Variants in TECRL observed in about 807,000 individuals in gnomAD.
The protein encoded by TECRL is trans-2,3-enoyl-CoA reductase-like.
A neutral mutation model predicts 52.8 loss-of-function variants in TECRL; 63 were observed. That is an observed-to-expected ratio of 1.19 (90% CI 0.97 to 1.47). The LOEUF is 1.47. TECRL is among the 40% of genes most tolerant of loss of function. The probability of loss-of-function intolerance (pLI) is 0.00; values close to 1 mark genes in which losing one functional copy is unlikely to be tolerated. For missense variants in TECRL, 482 were observed against 429.6 expected (o/e 1.12, Z -1.08); for synonymous variants, 164 against 141.9 (o/e 1.16, Z -1.10).
In TECRL at chr4:64,373,086, T is replaced by G. The variant is rs187873999; in HGVS notation, c.286+2086A>C. On this transcript the variant is annotated intron_variant, in intron 2 of 11. Transcript: ENST00000381210. ...AAATTGGCAAATACATTCTTTTAAA[T>G]ACTTTATATAATGTAATGCAGCAAA... Among the ~76,000 whole-genome samples, 489 of 151,862 alleles carry G rather than the reference T, an allele frequency of 3.2e-3. 1 individual carries two copies. Among genetic ancestry groups the G allele is most frequent in the African/African-American group, 0.011 (457 of 41,556 alleles).
chr4:64,373,614 A>G (rs1722133336), intron 2 of TECRL, among the ~76,000 whole-genome samples: 1 of 151,672 alleles, frequency 6.6e-6, no homozygotes, highest in South Asian at 2.1e-4. Flanking sequence ...CATAAACTCG[A>G]CTTTGATTCA....
intron 1 of TECRL, among the ~76,000 whole-genome samples, chr4:64,377,409 T>C (rs1462320294): frequency 6.6e-6 from 1 of 152,062 alleles, no homozygotes; most frequent in Non-Finnish European, 1.5e-5. Flanking sequence ...GATGTCTCAG[T>C]GGCTTCATCA....
At chr4:64,400,010 CA>C (rs988043593) in intron 1 of TECRL, among the ~76,000 whole-genome samples, 2 of 152,104 alleles carry the variant, frequency 1.3e-5, no homozygotes, top group African/African-American at 4.8e-5. Flanking sequence ...ATATATCCAC[CA>C]GCTTATGTTT....
chr4:64,336,721 T>A (rs1007954655), intron 2 of TECRL, among the ~76,000 whole-genome samples: 1 of 152,220 alleles, frequency 6.6e-6, no homozygotes, highest in Non-Finnish European at 1.5e-5. Context: ...TTGTTCTCAC[T>A]GGTTTCAAAG....
intron 3 of TECRL, among the ~76,000 whole-genome samples, chr4:64,326,626 A>C (rs1718284146): frequency 6.6e-6 from 1 of 152,130 alleles, no homozygotes; most frequent in Admixed American, 6.6e-5. Context: ...CATTGAACAA[A>C]GGGAATTTCA....
intron 9 of TECRL, among the ~76,000 whole-genome samples, chr4:64,286,476 C>T (rs1294877143): frequency 6.6e-6 from 1 of 151,754 alleles, no homozygotes; most frequent in East Asian, 1.9e-4. Flanking sequence ...CCCCCCTATA[C>T]TCCACAATGT....
intron 1 of TECRL, among the ~76,000 whole-genome samples, chr4:64,402,578 G>T (rs1724427795): frequency 6.6e-6 from 1 of 152,010 alleles, no homozygotes; most frequent in Admixed American, 6.6e-5. Flanking sequence ...AATACGGAAT[G>T]AATATGAACT....
intron 3 of TECRL, among the ~76,000 whole-genome samples, chr4:64,325,541 A>G (rs1004997475): frequency 7.9e-5 from 12 of 152,166 alleles, no homozygotes; most frequent in Admixed American, 4.6e-4. Context: ...TAGTTTTTTT[A>G]TACTGCTAAA....
At chr4:64,287,870 G>A (rs1204919116) in intron 9 of TECRL, among the ~76,000 whole-genome samples, 1 of 152,184 alleles carries the variant, frequency 6.6e-6, no homozygotes, top group African/African-American at 2.4e-5. Flanking sequence ...CCATGGGCCA[G>A]GCACGGTGGC....
chr4:64,352,173 C>G (rs796451379), intron 2 of TECRL, among the ~76,000 whole-genome samples: 1 of 152,106 alleles, frequency 6.6e-6, no homozygotes, highest in African/African-American at 2.4e-5. Flanking sequence ...CAGTTTATTA[C>G]TTCAAATACC....
chr4:64,347,439 T>C (rs1376932314), intron 2 of TECRL, among the ~76,000 whole-genome samples: 1 of 152,196 alleles, frequency 6.6e-6, no homozygotes, highest in African/African-American at 2.4e-5. Context: ...TCTACTCCTT[T>C]ATAACTTCCT....
At chr4:64,382,788 CT>C (rs1035552236) in intron 1 of TECRL, among the ~76,000 whole-genome samples, 3 of 151,804 alleles carry the variant, frequency 2.0e-5, no homozygotes, top group African/African-American at 7.3e-5. Flanking sequence ...TTGATCCTTT[CT>C]TTTTTTTCTT....
At chr4:64,315,946 A>G (rs557444180) in intron 4 of TECRL, among the ~76,000 whole-genome samples, 1 of 152,192 alleles carries the variant, frequency 6.6e-6, no homozygotes, top group Non-Finnish European at 1.5e-5. Context: ...AAGTCAATAT[A>G]AAAAGCAATC....
chr4:64,317,137 G>C (rs985267361), intron 4 of TECRL, among the ~76,000 whole-genome samples: 14 of 152,080 alleles, frequency 9.2e-5, no homozygotes, highest in African/African-American at 3.1e-4. Flanking sequence ...AATTAGCCGG[G>C]CGTGGTGGCA....
At chr4:64,315,142 TTTTTTC>T (rs1339018423) in intron 4 of TECRL, among the ~76,000 whole-genome samples, 2 of 152,068 alleles carry the variant, frequency 1.3e-5, no homozygotes, top group African/African-American at 4.8e-5. Context: ...CTAGAGTATC[TTTTTTC>T]TTTTTCTTTT....
intron 1 of TECRL, among the ~76,000 whole-genome samples, chr4:64,390,214 G>T (rs986878191): frequency 2.6e-5 from 4 of 151,874 alleles, no homozygotes; most frequent in Non-Finnish European, 5.9e-5. Flanking sequence ...TAAAGTGAAT[G>T]AACTTTAGCA....
intron 9 of TECRL, among the ~76,000 whole-genome samples, chr4:64,282,680 G>A (rs1224166512): frequency 6.6e-6 from 1 of 152,000 alleles, no homozygotes; most frequent in Non-Finnish European, 1.5e-5. Flanking sequence ...TCAGCCCCTA[G>A]AGGTGTGGAA....
At chr4:64,368,108 C>G (rs1017976392) in intron 2 of TECRL, among the ~76,000 whole-genome samples, 3 of 152,000 alleles carry the variant, frequency 2.0e-5, no homozygotes, top group African/African-American at 7.2e-5. Flanking sequence ...ACTAAAGTTC[C>G]TAGAAGGTTC....
chr4:64,366,362 T>A (rs894074508), intron 2 of TECRL, among the ~76,000 whole-genome samples: 3 of 152,108 alleles, frequency 2.0e-5, no homozygotes, highest in African/African-American at 7.2e-5. Context: ...GGGAAAGATT[T>A]CATGACAAAG....
Sources: allele counts gnomAD v4.1 joint callset (sites outside exome capture counted in the v4.1 genomes callset), GRCh38; gene constraint gnomAD v4.1.1; transcripts MANE v1.5; gene names NCBI Gene and HGNC (gene_info 2026-07-23, HGNC 2026-07-21).